Variants in DHCR24 observed in about 807,000 individuals in gnomAD.
DHCR24 encodes 24-dehydrocholesterol reductase.
DHCR24 carries 28 observed loss-of-function variants against 61.2 expected under a neutral mutation model. The observed-to-expected ratio is 0.46, with a 90% CI of 0.34 to 0.63. The LOEUF (loss-of-function observed/expected upper bound fraction) is 0.63, where lower values mean the gene tolerates loss of function less well. DHCR24 is among the 20% of genes least tolerant of loss of function. The pLI, the probability that DHCR24 is intolerant of heterozygous loss-of-function variation, is 0.01. For synonymous variants in DHCR24, 261 were observed against 275.9 expected (o/e 0.95, Z 0.54); for missense variants, 538 against 679.1 (o/e 0.79, Z 2.31).
intron 2 of DHCR24, among the ~76,000 whole-genome samples, chr1:54,879,895 GA>G (rs1041130834): frequency 1.0e-3 from 154 of 150,988 alleles, no homozygotes; most frequent in African/African-American, 3.5e-3. Context: ...ATTTATATTA[GA>G]AAAAAAAGGT....
intron 1 of DHCR24, among the ~76,000 whole-genome samples, chr1:54,884,222 A>G (rs953255142): frequency 6.6e-6 from 1 of 152,242 alleles, no homozygotes; most frequent in African/African-American, 2.4e-5. Context: ...CAAAAGCAAA[A>G]TAACTTGTCC....
chr1:54,864,205 T>G (rs377295294), intron 6 of DHCR24, among the ~76,000 whole-genome samples: 2 of 152,210 alleles, frequency 1.3e-5, no homozygotes. Context: ...CCTAGTTCTA[T>G]ATCCCAAAGA....
chr1:54,867,610 T>C (rs1646974252), intron 5 of DHCR24, among the ~76,000 whole-genome samples: 1 of 152,268 alleles, frequency 6.6e-6, no homozygotes, highest in Admixed American at 6.5e-5. Context: ...ATCAAATGGA[T>C]GGCAGCAGAG....
chr1:54,855,051 G>A (rs569281781), intron 6 of DHCR24, among the ~76,000 whole-genome samples: 2 of 152,154 alleles, frequency 1.3e-5, no homozygotes, highest in South Asian at 4.2e-4. Context: ...ACTGATGCCC[G>A]ATTCTCACAG....
intron 2 of DHCR24, among the ~76,000 whole-genome samples, chr1:54,878,559 T>TACC (rs1354551730): frequency 7.2e-6 from 1 of 138,702 alleles, no homozygotes; most frequent in Non-Finnish European, 1.5e-5. Context: ...TAGGTAATAG[T>TACC]ACCAGGGACT....
Position 54,887,180 on chromosome 1 carries a change from G to C in DHCR24, c.-61C>G, listed in dbSNP as rs1647105162. The C allele has an allele frequency of 1.1e-5, 15 of 1,423,950 alleles. No individual in the cohort carries two copies. Among genetic ancestry groups the C allele is most frequent in the Non-Finnish European group, 1.2e-5 (13 of 1,050,176 alleles). 88.2% of individuals were successfully genotyped at this position (1,423,950 alleles called of 1,614,324 possible). A position where few individuals can be genotyped will look rare whatever the true frequency, so the allele number is the denominator to read the frequency against. The stretch of plus-strand genomic sequence containing the variant: ...GCCTCCTGTCACTGCCGCCAGCTCC[G>C]CGCCTGGCCCGCTCTGCGCCTGTAG... On this transcript the variant is annotated 5_prime_UTR_variant, in exon 1 of 9. Transcript: ENST00000371269.
At chr1:54,879,800 T>A (rs928428169) in intron 2 of DHCR24, among the ~76,000 whole-genome samples, 12 of 152,106 alleles carry the variant, frequency 7.9e-5, no homozygotes, top group Non-Finnish European at 1.5e-4. Flanking sequence ...ATCAAAGTAT[T>A]CTGAACTGAA....
chr1:54,879,221 T>C (rs1452517212), intron 2 of DHCR24, among the ~76,000 whole-genome samples: 1 of 147,440 alleles, frequency 6.8e-6, no homozygotes, highest in African/African-American at 2.5e-5. Context: ...CGGGAGGCTG[T>C]GACAGGAGAA....
intron 5 of DHCR24, among the ~76,000 whole-genome samples, chr1:54,866,748 C>G (rs1400174569): frequency 2.0e-5 from 3 of 147,766 alleles, no homozygotes; most frequent in African/African-American, 7.8e-5. Context: ...CCCGCTTGTG[C>G]AGGCCCACCC....
chr1:54,864,728 C>A (rs1570187842), intron 6 of DHCR24, among the ~76,000 whole-genome samples: 1 of 152,174 alleles, frequency 6.6e-6, no homozygotes, highest in East Asian at 1.9e-4. Context: ...TGCCTGTGAA[C>A]AGAGTTCCAG....
intron 6 of DHCR24, among the ~76,000 whole-genome samples, chr1:54,859,524 A>G (rs1249625882): frequency 6.6e-6 from 1 of 151,644 alleles, no homozygotes; most frequent in East Asian, 1.9e-4. Context: ...CCCAGGCTGG[A>G]GTACACTGGC....
chr1:54,882,780 TA>T (rs1289967643), intron 2 of DHCR24, among the ~76,000 whole-genome samples: 49 of 152,064 alleles, frequency 3.2e-4, no homozygotes, highest in Admixed American at 1.3e-4. Flanking sequence ...ATATAAACTC[TA>T]GAATCAAACT....
chr1:54,873,027 CCTATCCCA>C (rs556922205), intron 4 of DHCR24, among the ~76,000 whole-genome samples: 2 of 152,226 alleles, frequency 1.3e-5, no homozygotes, highest in Non-Finnish European at 2.9e-5. Flanking sequence ...AAGTGTCACT[CCTATCCCA>C]CCCCTTAGGT....
intron 5 of DHCR24, among the ~76,000 whole-genome samples, chr1:54,867,480 G>T (rs1423445536): frequency 6.6e-6 from 1 of 151,986 alleles, no homozygotes; most frequent in Non-Finnish European, 1.5e-5. Context: ...CTTTGGGTAA[G>T]GCTCTCTGTG....
In DHCR24 at chr1:54,851,236, G is replaced by C. The variant is rs1384904954; in HGVS notation, c.*997C>G. ...CGATGCTCTTTTCTTCCAGCCCCAC[G>C]GTGAGAATCCTACAGAAACATGAGG... On this transcript the variant is annotated 3_prime_UTR_variant, in exon 9 of 9. Coordinates refer to ENST00000371269, the MANE Select transcript of DHCR24 (RefSeq NM_014762.4). 6.6e-6 allele frequency: 1 copy of C among 152,562 alleles called. No individual in the cohort carries two copies. The highest frequency in any genetic ancestry group is 2.4e-5 in the African/African-American group (1 of 41,416). The allele number at this position is 152,562 out of a possible 1,614,324, so 9.5% of individuals were successfully genotyped here.
chr1:54,883,747 G>T lies in DHCR24; in HGVS notation c.258C>A (p.Ser86Arg). ...KQVREWKEQG[S>R]KTFMCTGRPG... ...GGCGCCCCGTGCACATGAAGGTCTT[G>T]CTACCCTGCTCCTTCCATTCCCGCA... The change falls in exon 2 of 9, where the codon AGC becomes AGA. Residue 86 changes from serine (S) to arginine (R), a missense_variant. Physicochemically the swap from Ser to Arg is moderately radical, Grantham distance 110 (BLOSUM62 -1). Transcript: ENST00000371269. This position sits in a 1 kb window ranked among gnomAD's most constrained non-coding sequence, Gnocchi z 4.3. The T allele has an allele frequency of 6.2e-7, 1 of 1,614,218 alleles. No homozygotes were observed. The highest frequency in any genetic ancestry group is 8.5e-7 in the Non-Finnish European group (1 of 1,180,044).
At chr1:54,878,241 C>T (rs1321295217) in intron 2 of DHCR24, among the ~76,000 whole-genome samples, 1 of 151,896 alleles carries the variant, frequency 6.6e-6, no homozygotes, top group Non-Finnish European at 1.5e-5. Flanking sequence ...CATGGTGGCT[C>T]ATGCCTATAA....
chr1:54,887,159 C>T lies in DHCR24; in HGVS notation c.-40G>A. On this transcript the variant is annotated 5_prime_UTR_variant, in exon 1 of 9. Transcript: ENST00000371269. ...CGGTAAGCGCTGCGGGTTCGCGCCT[C>T]CTGTCACTGCCGCCAGCTCCGCGCC... 1 of 1,505,210 alleles carries T rather than the reference C, an allele frequency of 6.6e-7. No homozygotes were observed. 93.2% of individuals were successfully genotyped at this position (1,505,210 alleles called of 1,614,324 possible). A position where few individuals can be genotyped will look rare whatever the true frequency, so the allele number is the denominator to read the frequency against.
At position 54,886,982 on chromosome 1, in the gene DHCR24, G is replaced by C. The variant is rs747179972; in HGVS notation, c.138C>G (p.Phe46Leu). 2 of 1,613,626 alleles carry C rather than the reference G, an allele frequency of 1.2e-6. No individual in the cohort carries two copies. Among genetic ancestry groups the C allele is most frequent in the Non-Finnish European group, 1.7e-6 (2 of 1,179,764 alleles). Reference protein sequence around the residue: ...CLFLLPLSLIFDIYYYVRAWV... With the variant: ...CLFLLPLSLILDIYYYVRAWV... ...AGGCGCGCACGTAGTAGTAGATATC[G>C]AAGATAAGCGAGAGCGGCAGGAGGA... The change falls in exon 1 of 9, where the codon TTC becomes TTG. Residue 46 changes from phenylalanine (F) to leucine (L), a missense_variant. Physicochemically the swap from Phe to Leu is conservative, Grantham distance 22. Coordinates refer to ENST00000371269, the MANE Select transcript of DHCR24 (RefSeq NM_014762.4).
Sources: allele counts gnomAD v4.1 joint callset (sites outside exome capture counted in the v4.1 genomes callset), GRCh38; gene constraint gnomAD v4.1.1; non-coding constraint Gnocchi (gnomAD v3.1); transcripts MANE v1.5; gene names NCBI Gene and HGNC (gene_info 2026-07-23, HGNC 2026-07-21).